The following TGFBI variants were observed in gnomAD, a reference collection of about 807,000 sequenced individuals.
TGFBI encodes the protein transforming growth factor beta induced, also known as transforming growth factor-beta-induced protein ig-h3.
Under a neutral mutation model 73.7 loss-of-function variants are expected in TGFBI, and 50 were observed. The ratio of observed to expected loss-of-function variants is 0.68; its 90% CI spans 0.54 to 0.86. The LOEUF (loss-of-function observed/expected upper bound fraction) is 0.86, where lower values mean the gene tolerates loss of function less well. Ranked by LOEUF, TGFBI falls within the 40% of genes least tolerant of loss-of-function variation. TGFBI has a pLI of 0.00. For missense variants in TGFBI, 839 were observed against 877.0 expected (o/e 0.96, Z 0.55); for synonymous variants, 362 against 360.5 (o/e 1.00, Z -0.05).
chr5:136,062,859 C>T (rs1751775193), intron 16 of TGFBI, among the ~76,000 whole-genome samples, 172 bp downstream of exon 16: 1 of 152,216 alleles, frequency 6.6e-6, no homozygotes, highest in African/African-American at 2.4e-5. Context: ...CAGAGCACCC[C>T]ATTTCCTTCT....
chr5:136,052,902 C>T lies in TGFBI; in HGVS notation c.914-5C>T. 3 of 1,613,256 alleles carry T rather than the reference C, an allele frequency of 1.9e-6. No individual in the cohort carries two copies. On this transcript the variant is annotated splice_polypyrimidine_tract_variant and splice_region_variant and intron_variant, in intron 7 of 16. Coordinates refer to ENST00000442011, the MANE Select transcript of TGFBI (RefSeq NM_000358.3). ...TGACTTGACCTGAGTCTGTTTGGAC[C>T]CCAGACCTGCTGAACAACCACATCT...
At chr5:136,043,189 G>A (rs2126907356) in intron 2 of TGFBI, among the ~76,000 whole-genome samples, 1 of 152,324 alleles carries the variant, frequency 6.6e-6, no homozygotes, top group South Asian at 2.1e-4. Flanking sequence ...AGAACCTGGG[G>A]ATTTGGTTTT....
rs536374963 is a variant in TGFBI at position 136,055,160 on chromosome 5, T to A, written c.1410+299T>A. On this transcript the variant is annotated intron_variant, in intron 10 of 16. Transcript: ENST00000442011. ...GGGAGGAGGGATGGAGTTCAGACTC[T>A]TTCTGAGCTTATGAGAAGAGAAGCC... is the stretch of plus-strand genomic sequence containing the variant. 1.1e-5 allele frequency: 4 copies of A among 354,218 alleles called. No homozygotes were observed. The East Asian group carries it at 2.4e-4, about 21-fold the overall frequency. 21.9% of individuals were successfully genotyped at this position (354,218 alleles called of 1,614,324 possible).
rs527431997 is a variant in TGFBI at position 136,054,950 on chromosome 5, G to A, written c.1410+89G>A. The A allele has an allele frequency of 7.5e-6, 11 of 1,459,650 alleles. No individual in the cohort carries two copies. In the African/African-American group the frequency reaches 9.9e-5, roughly 13 times the overall value. The allele number at this position is 1,459,650 out of a possible 1,614,324, so 90.4% of individuals were successfully genotyped here. ...AAAAAAAAATGTCCTCAATAAGCAG[G>A]AGTTTGCATGAGAACTGGTTGCTGA... On this transcript the variant is annotated intron_variant, in intron 10 of 16. Coordinates refer to ENST00000442011, the MANE Select transcript of TGFBI (RefSeq NM_000358.3).
chr5:136,031,871 C>T (rs1181054885), intron 1 of TGFBI, among the ~76,000 whole-genome samples: 1 of 152,180 alleles, frequency 6.6e-6, no homozygotes, highest in East Asian at 1.9e-4. Context: ...GTCACAGCCG[C>T]CCCCAGCCTC....
At chr5:136,055,650 C>G (rs371786274) in intron 10 of TGFBI, 30 bp from the exon 11 acceptor site, 7 of 1,549,930 alleles carry the variant, frequency 4.5e-6, no homozygotes, top group South Asian at 1.2e-5. Context: ...TATAACCAGT[C>G]CTTTCTTTCT....
At chr5:136,040,544 C>T (rs1011783030) in intron 2 of TGFBI, among the ~76,000 whole-genome samples, 1 of 152,204 alleles carries the variant, frequency 6.6e-6, no homozygotes, top group Non-Finnish European at 1.5e-5. Flanking sequence ...AAAACCACCC[C>T]TTCCCCCTGC....
chr5:136,044,171 G>C lies in TGFBI; in HGVS notation c.298+49G>C. 3 of 1,516,786 alleles carry C rather than the reference G, an allele frequency of 2.0e-6. No homozygotes were observed. In the South Asian group the frequency reaches 3.4e-5, roughly 17 times the overall value. The allele number at this position is 1,516,786 out of a possible 1,614,324, so 94.0% of individuals were successfully genotyped here. On this transcript the variant is annotated intron_variant, in intron 3 of 16. Coordinates refer to ENST00000442011, the MANE Select transcript of TGFBI (RefSeq NM_000358.3). ...CCTGTTGGTGTGGGTGGAAGGGAATGGTGGGAGAGAGGAGTACCCACATAA... is the reference window on the plus strand; with the variant it reads ...CCTGTTGGTGTGGGTGGAAGGGAATCGTGGGAGAGAGGAGTACCCACATAA...
chr5:136,056,562 A>G (rs1240287730), intron 11 of TGFBI, 103 bp from the exon 12 acceptor site: 11 of 1,500,678 alleles, frequency 7.3e-6, no homozygotes, highest in Non-Finnish European at 1.0e-5. Flanking sequence ...GGACTCTACT[A>G]TCCTCAGTGG....
intron 6 of TGFBI, 96 bp from the exon 7 acceptor site, chr5:136,049,343 C>G (rs45493897): frequency 3.4e-6 from 5 of 1,483,848 alleles, no homozygotes; most frequent in Admixed American, 2.0e-5. Flanking sequence ...GTGAAAGCCT[C>G]GAGCCCTTGC....
intron 1 of TGFBI, 138 bp downstream of exon 1, chr5:136,029,327 C>A: frequency 2.9e-6 from 3 of 1,032,288 alleles, no homozygotes; most frequent in Admixed American, 3.7e-5. Flanking sequence ...ATGGAGCGCT[C>A]GGACACCAGC....
chr5:136,033,543 T>C (rs1751159421), intron 1 of TGFBI, among the ~76,000 whole-genome samples: 1 of 152,150 alleles, frequency 6.6e-6, no homozygotes, highest in South Asian at 2.1e-4. Flanking sequence ...AAGAGAGATT[T>C]TAACAATTTT....
At chr5:136,034,694 G>A (rs1210279548) in intron 2 of TGFBI, among the ~76,000 whole-genome samples, 1 of 152,082 alleles carries the variant, frequency 6.6e-6, no homozygotes, top group Non-Finnish European at 1.5e-5. Context: ...CTCCCTGGTG[G>A]AATCAGGTGC....
chr5:136,053,159 A>G, intron 8 of TGFBI, 40 bp downstream of exon 8: 1 of 1,580,644 alleles, frequency 6.3e-7, no homozygotes, highest in Non-Finnish European at 8.7e-7. Flanking sequence ...TGCCTGGCCC[A>G]CCATCTCTTC....
intron 8 of TGFBI, 65 bp from the exon 9 acceptor site, chr5:136,053,878 G>C (rs1020443747): frequency 1.2e-6 from 2 of 1,602,642 alleles, no homozygotes; most frequent in Admixed American, 1.7e-5. Flanking sequence ...CATGCCCTGG[G>C]GTGGATGAAT....
intron 2 of TGFBI, among the ~76,000 whole-genome samples, chr5:136,042,491 A>C (rs562392550): frequency 2.6e-5 from 4 of 152,290 alleles, no homozygotes; most frequent in African/African-American, 9.6e-5. Context: ...ATCAAATCTT[A>C]CTTTAGTTGC....
chr5:136,059,039 C>G, intron 12 of TGFBI, 51 bp from the exon 13 acceptor site: 1 of 1,587,308 alleles, frequency 6.3e-7, no homozygotes, highest in African/African-American at 1.3e-5. Flanking sequence ...CTTGACCAGG[C>G]TAATTACCAT....
chr5:136,044,366 C>A (rs902600112), intron 3 of TGFBI, among the ~76,000 whole-genome samples: 4 of 152,262 alleles, frequency 2.6e-5, no homozygotes, highest in African/African-American at 7.2e-5. Flanking sequence ...TAGACTCCAA[C>A]TGTGGCCTGT....
Position 136,063,377 on chromosome 5 carries a change from G to T in TGFBI, c.*151G>T, listed in dbSNP as rs377202155. ...AATGAGATGTGAGCCTTGTGCATGT[G>T]GGGGAGGAGGGAGAGAGATGTACTT... On this transcript the variant is annotated 3_prime_UTR_variant, in exon 17 of 17. Coordinates refer to ENST00000442011, the MANE Select transcript of TGFBI (RefSeq NM_000358.3). 8.7e-6 allele frequency: 6 copies of T among 690,648 alleles called. No individual in the cohort carries two copies. Among genetic ancestry groups the T allele is most frequent in the African/African-American group, 5.3e-5 (3 of 56,392 alleles). 42.8% of individuals were successfully genotyped at this position (690,648 alleles called of 1,614,324 possible).
Sources: gnomAD v4.1 joint callset for allele counts (sites outside exome capture counted in the v4.1 genomes callset) on GRCh38, gnomAD v4.1.1 for gene constraint, MANE v1.5 for transcripts, NCBI Gene and HGNC (gene_info 2026-07-23, HGNC 2026-07-21) for gene names.